Variants in ASAP3 observed in about 807,000 individuals in gnomAD.
ASAP3 encodes the protein arf-GAP with SH3 domain, ANK repeat and PH domain-containing protein 3.
A neutral mutation model predicts 118.2 loss-of-function variants in ASAP3; 85 were observed. That is an observed-to-expected ratio of 0.72 (90% confidence interval 0.60 to 0.86). The LOEUF is 0.86. Ranked by LOEUF, ASAP3 falls within the 40% of genes least tolerant of loss-of-function variation. The probability of loss-of-function intolerance (pLI) is 0.00; values close to 1 mark genes in which losing one functional copy is unlikely to be tolerated. For synonymous variants in ASAP3, 432 were observed against 477.4 expected (o/e 0.90, Z 1.24); for missense variants, 1,026 against 1,175.0 (o/e 0.87, Z 1.85).
rs11590957 is a variant in ASAP3 at position 23,430,848 on chromosome 1, G to C, written c.2637+187C>G. Among the ~76,000 whole-genome samples, 855 of 152,294 alleles carry C rather than the reference G, an allele frequency of 5.6e-3. 10 individuals are homozygous for C. Among genetic ancestry groups the C allele is most frequent in the East Asian group, 0.051 (266 of 5,172 alleles). ...CCAAACCGTGGCCACCTGGGCACCA[G>C]GACAGGGACTGGCCAAACCGTGCCC... On this transcript the variant is annotated intron_variant, in intron 24 of 24. Coordinates refer to ENST00000336689, the MANE Select transcript of ASAP3 (RefSeq NM_017707.4).
intron 1 of ASAP3, among the ~76,000 whole-genome samples, chr1:23,467,843 C>T (rs1641824276): frequency 6.6e-6 from 1 of 151,310 alleles, no homozygotes; most frequent in South Asian, 2.1e-4. Flanking sequence ...GTCCCGGCTA[C>T]TCAGGAGGCT....
rs779620022 is a variant in ASAP3 at position 23,436,531 on chromosome 1, G to A, written c.1571+29C>T. ...TGCGGAGGCAGAATCCCCTAGGCAGGGTGCCCCTCTCTCTGAGAATCCCCT... is the reference window on the plus strand; with the variant it reads ...TGCGGAGGCAGAATCCCCTAGGCAGAGTGCCCCTCTCTCTGAGAATCCCCT... On this transcript the variant is annotated intron_variant, in intron 16 of 24. Transcript: ENST00000336689. The surrounding 1 kb of genome is among the most constrained non-coding windows in gnomAD (Gnocchi z 4.2). 1 of 1,609,494 alleles carries A rather than the reference G, an allele frequency of 6.2e-7. No homozygotes were observed. The highest frequency in any genetic ancestry group is 8.5e-7 in the Non-Finnish European group (1 of 1,175,832).
chr1:23,438,665 C>T lies in ASAP3; in HGVS notation c.1102+82G>A. 7.6e-7 allele frequency: 1 copy of T among 1,309,706 alleles called. No homozygotes were observed. 81.1% of individuals were successfully genotyped at this position (1,309,706 alleles called of 1,614,324 possible). ...TGTGGAACTGGACACAGACCCCTCA[C>T]TGAAGCCCCCCGGGAGCTGACAGGT... On this transcript the variant is annotated intron_variant, in intron 12 of 24. Transcript: ENST00000336689. The surrounding 1 kb of genome is among the most constrained non-coding windows in gnomAD (Gnocchi z 4.9).
intron 5 of ASAP3, among the ~76,000 whole-genome samples, chr1:23,446,345 T>C (rs527621771): frequency 6.6e-6 from 1 of 152,354 alleles, no homozygotes; most frequent in East Asian, 1.9e-4. Flanking sequence ...CTCTGTAGTT[T>C]TGCTTTCTGT....
At position 23,433,221 on chromosome 1, in the gene ASAP3, C is replaced by G. The variant is rs182680450; in HGVS notation, c.2179G>C (p.Asp727His). The change falls in exon 22 of 25, where the codon GAC becomes CAC. Residue 727 changes from aspartate to histidine, a missense_variant. Physicochemically the swap from Asp to His is moderately conservative, Grantham distance 81. Coordinates refer to ENST00000336689, the MANE Select transcript of ASAP3 (RefSeq NM_017707.4). Reference protein sequence around the residue: ...AQAHWASGRLDISNKTYETVA... With the variant: ...AQAHWASGRLHISNKTYETVA... Reference sequence around the variant, plus strand: ...GTCTCATAGGTCTTGTTGCTGATGTCCAGCCTCCCACTGGCCCAGTGAGCC... The same window carrying G: ...GTCTCATAGGTCTTGTTGCTGATGTGCAGCCTCCCACTGGCCCAGTGAGCC... The G allele has an allele frequency of 8.6e-5, 139 of 1,613,468 alleles. 1 individual carries two copies. The Admixed American group carries it at 1.2e-3, about 14-fold the overall frequency.
At chr1:23,450,173 G>A (rs989886189) in intron 5 of ASAP3, among the ~76,000 whole-genome samples, 7 of 152,198 alleles carry the variant, frequency 4.6e-5, no homozygotes, top group African/African-American at 1.2e-4. Flanking sequence ...GACTTGGAGC[G>A]GTGCCATGGC....
At chr1:23,443,099 A>G (rs1234419066) in intron 5 of ASAP3, among the ~76,000 whole-genome samples, 1 of 152,208 alleles carries the variant, frequency 6.6e-6, no homozygotes, top group Non-Finnish European at 1.5e-5. Context: ...GAAGGTGTTT[A>G]TTCAGGGGGA....
intron 17 of ASAP3, among the ~76,000 whole-genome samples, chr1:23,434,967 C>G (rs2148605844): frequency 6.6e-6 from 1 of 152,290 alleles, no homozygotes; most frequent in African/African-American, 2.4e-5. Context: ...CTTACCTCAC[C>G]TAAGTGCTGC....
At chr1:23,439,133 T>C (rs1199747918) in intron 11 of ASAP3, 28 bp downstream of exon 11, 1 of 1,612,326 alleles carries the variant, frequency 6.2e-7, no homozygotes, top group Non-Finnish European at 8.5e-7. Flanking sequence ...CATCGTGCCC[T>C]GAGACTCCCA....
At chr1:23,433,848 G>A (rs1640536147) in intron 19 of ASAP3, among the ~76,000 whole-genome samples, 155 bp from the exon 20 acceptor site, 2 of 152,156 alleles carry the variant, frequency 1.3e-5, no homozygotes, top group Non-Finnish European at 2.9e-5. Context: ...ATAACCTTTT[G>A]GGACAAAATT....
At position 23,477,376 on chromosome 1, in the gene ASAP3, C is replaced by CAA. The variant is rs11367585; in HGVS notation, c.129+6627_129+6628dup. On this transcript the variant is annotated intron_variant, in intron 1 of 24. Coordinates refer to ENST00000336689, the MANE Select transcript of ASAP3 (RefSeq NM_017707.4). ...TGAGCAACAGAGTGAGACTCCATCT[C>CAA]AAAAAAAAAAAAAAAAAAAAAAGAA... Among the ~76,000 whole-genome samples the CAA allele has an allele frequency of 6.1e-3, 389 of 64,162 alleles. 6 individuals are homozygous for CAA. The highest frequency in any genetic ancestry group is 9.1e-3 in the Middle Eastern group (1 of 110). 42.1% of individuals were successfully genotyped at this position (64,162 alleles called of 152,430 possible).
intron 22 of ASAP3, 123 bp from the exon 23 acceptor site, chr1:23,432,041 C>G: frequency 1.2e-6 from 1 of 856,148 alleles, no homozygotes; most frequent in Admixed American, 2.9e-5. Flanking sequence ...GAGTCTCACT[C>G]TGTCACCCAG....
At position 23,434,303 on chromosome 1, in the gene ASAP3, C is replaced by A. The variant is rs1292843140; in HGVS notation, c.1902G>T (p.Gln634His). Residue 634 changes from glutamine (Q) to histidine (H), a missense_variant, in exon 19 of 25, where the codon CAG becomes CAT. Physicochemically the swap from Gln to His is conservative, Grantham distance 24 (BLOSUM62 0). Transcript: ENST00000336689. Reference sequence around the variant, plus strand: ...TCAGCAGCAGCTTGAGGCAGTCGGGCTGGTTGTAGAGTGCTGCGTAGTGCA... The same window carrying A: ...TCAGCAGCAGCTTGAGGCAGTCGGGATGGTTGTAGAGTGCTGCGTAGTGCA... ...TALHYAALYNQPDCLKLLLKG... is the reference protein window; with the variant it reads ...TALHYAALYNHPDCLKLLLKG... 6.2e-7 allele frequency: 1 copy of A among 1,614,176 alleles called. No homozygotes were observed. The highest frequency in any genetic ancestry group is 1.7e-5 in the Admixed American group (1 of 60,014).
In ASAP3 at chr1:23,436,171, A is replaced by C; in HGVS notation, c.1572-143T>G. On this transcript the variant is annotated intron_variant, in intron 16 of 24. Transcript: ENST00000336689. This position sits in a 1 kb window ranked among gnomAD's most constrained non-coding sequence, Gnocchi z 4.2. ...CTAGATCTGAGGCTCCCCTCTCCCCAGGCTTTTTTTTTAGACAGTCTCACT... is the reference window on the plus strand; with the variant it reads ...CTAGATCTGAGGCTCCCCTCTCCCCCGGCTTTTTTTTTAGACAGTCTCACT... 1.1e-6 allele frequency: 1 copy of C among 927,994 alleles called. No individual in the cohort carries two copies. Among genetic ancestry groups the C allele is most frequent in the South Asian group, 1.7e-5 (1 of 59,746 alleles). 57.5% of individuals were successfully genotyped at this position (927,994 alleles called of 1,614,324 possible).
At chr1:23,446,512 A>T (rs531399014) in intron 5 of ASAP3, among the ~76,000 whole-genome samples, 1 of 146,664 alleles carries the variant, frequency 6.8e-6, no homozygotes, top group Admixed American at 7.0e-5. Flanking sequence ...ATCTCAGCTC[A>T]CTGCAACCTC....
At chr1:23,439,032 C>G in intron 11 of ASAP3, 129 bp downstream of exon 11, 1 of 1,240,752 alleles carries the variant, frequency 8.1e-7, no homozygotes, top group Non-Finnish European at 1.1e-6. Context: ...TCCTCCCAAA[C>G]GGGTCTCCAG....
chr1:23,438,853 G>C lies in ASAP3; in HGVS notation c.1015-19C>G. On this transcript the variant is annotated intron_variant, in intron 11 of 24. Coordinates refer to ENST00000336689, the MANE Select transcript of ASAP3 (RefSeq NM_017707.4). This position sits in a 1 kb window ranked among gnomAD's most constrained non-coding sequence, Gnocchi z 4.9. ...GGTTTATCTGTGGGAATTTAGGGGCGGAGGATGTATGCATTACCTCTGGCC... is the reference window on the plus strand; with the variant it reads ...GGTTTATCTGTGGGAATTTAGGGGCCGAGGATGTATGCATTACCTCTGGCC... 2.5e-6 allele frequency: 4 copies of C among 1,612,232 alleles called. No homozygotes were observed. The highest frequency in any genetic ancestry group is 3.4e-6 in the Non-Finnish European group (4 of 1,178,348).
At chr1:23,471,816 C>A (rs1641969184) in intron 1 of ASAP3, among the ~76,000 whole-genome samples, 1 of 152,234 alleles carries the variant, frequency 6.6e-6, no homozygotes, top group South Asian at 2.1e-4. Context: ...GCCCAGCAGA[C>A]ACCTTCTCTG....
At chr1:23,472,125 G>C (rs578084470) in intron 1 of ASAP3, among the ~76,000 whole-genome samples, 1 of 152,218 alleles carries the variant, frequency 6.6e-6, no homozygotes, top group South Asian at 2.1e-4. Flanking sequence ...GTTTCTTTTT[G>C]GGATGATGGA....
Sources: allele counts gnomAD v4.1 joint callset (sites outside exome capture counted in the v4.1 genomes callset), GRCh38; gene constraint gnomAD v4.1.1; non-coding constraint Gnocchi (gnomAD v3.1); transcripts MANE v1.5; gene names NCBI Gene and HGNC (gene_info 2026-07-23, HGNC 2026-07-21).